The following KCNIP4 variants were observed in gnomAD, a reference collection of about 807,000 sequenced individuals.
KCNIP4 encodes the protein Kv channel-interacting protein 4.
KCNIP4 carries 12 observed loss-of-function variants against 34.0 expected under a neutral mutation model. The observed-to-expected ratio is 0.35, with a 90% confidence interval of 0.23 to 0.57. The LOEUF is 0.57. Ranked by LOEUF, KCNIP4 falls within the 20% of genes least tolerant of loss-of-function variation. The pLI is 0.83. For synonymous variants in KCNIP4, 124 were observed against 102.2 expected (o/e 1.21, Z -1.29); for missense variants, 238 against 311.7 (o/e 0.76, Z 1.78).
At chr4:21,760,950 G>T (rs571569714) in intron 1 of KCNIP4, among the ~76,000 whole-genome samples, 1 of 152,166 alleles carries the variant, frequency 6.6e-6, no homozygotes, top group East Asian at 1.9e-4. Flanking sequence ...ACTGTTCTAG[G>T]TGCTTATGAG....
At chr4:21,836,189 T>C (rs1024366352) in intron 1 of KCNIP4, among the ~76,000 whole-genome samples, 2 of 152,146 alleles carry the variant, frequency 1.3e-5, no homozygotes, top group Non-Finnish European at 2.9e-5. Context: ...AAGTGGTAGA[T>C]CATTGGGTCT....
chr4:21,252,272 C>T (rs1029006912), intron 1 of KCNIP4, among the ~76,000 whole-genome samples: 2 of 151,624 alleles, frequency 1.3e-5, no homozygotes, highest in African/African-American at 2.4e-5. Flanking sequence ...GGATTACAGG[C>T]GGGCACCTCC....
intron 2 of KCNIP4, among the ~76,000 whole-genome samples, chr4:20,876,082 A>G (rs1327224465): frequency 6.6e-6 from 1 of 152,282 alleles, no homozygotes; most frequent in East Asian, 1.9e-4. Flanking sequence ...ATGAAGCTCT[A>G]ATTTAGTGAA....
intron 1 of KCNIP4, among the ~76,000 whole-genome samples, chr4:21,016,356 T>C (rs1056112736): frequency 2.0e-5 from 3 of 151,450 alleles, no homozygotes; most frequent in African/African-American, 7.3e-5. Flanking sequence ...TGGAATGCAG[T>C]GGCCCAATCT....
At chr4:20,904,636 A>T (rs1168879963) in intron 1 of KCNIP4, among the ~76,000 whole-genome samples, 2 of 152,184 alleles carry the variant, frequency 1.3e-5, no homozygotes, top group Non-Finnish European at 2.9e-5. Flanking sequence ...CCTTGATTGG[A>T]GAGTCCTTAA....
At chr4:21,638,337 C>T (rs1746372494) in intron 1 of KCNIP4, among the ~76,000 whole-genome samples, 2 of 152,182 alleles carry the variant, frequency 1.3e-5, no homozygotes, top group South Asian at 4.1e-4. Context: ...TTTCAGATGG[C>T]ACTCAATGCA....
chr4:20,925,834 A>G (rs1181575678), intron 1 of KCNIP4, among the ~76,000 whole-genome samples: 1 of 152,228 alleles, frequency 6.6e-6, no homozygotes, highest in Non-Finnish European at 1.5e-5. Flanking sequence ...GGCGAAGTTC[A>G]GAGGAAACAG....
intron 1 of KCNIP4, among the ~76,000 whole-genome samples, chr4:21,224,578 GTTTTTTTTTTTTTTT>G (rs765906146): frequency 2.2e-5 from 1 of 44,882 alleles, no homozygotes; most frequent in Non-Finnish European, 4.2e-5. Context: ...TTTTTCAACT[GTTTTTTTTTTTTTTT>G]TTTTTTTTTT....
intron 1 of KCNIP4, among the ~76,000 whole-genome samples, chr4:21,054,212 C>G (rs1743194471): frequency 6.6e-6 from 1 of 151,990 alleles, no homozygotes; most frequent in Non-Finnish European, 1.5e-5. Context: ...TCAAGATTTA[C>G]TATAATTAAG....
chr4:21,686,816 T>A (rs1750837156), intron 1 of KCNIP4, among the ~76,000 whole-genome samples: 1 of 152,062 alleles, frequency 6.6e-6, no homozygotes. Flanking sequence ...ATCCCATTAC[T>A]GGGTATATAC....
chr4:21,780,903 C>T (rs933729754), intron 1 of KCNIP4, among the ~76,000 whole-genome samples: 1 of 152,148 alleles, frequency 6.6e-6, no homozygotes, highest in Admixed American at 6.5e-5. Flanking sequence ...CCAGTCCATC[C>T]TTTGGCTTGT....
intron 1 of KCNIP4, among the ~76,000 whole-genome samples, chr4:21,454,843 A>G (rs1472694946): frequency 6.6e-6 from 1 of 152,118 alleles, no homozygotes; most frequent in Non-Finnish European, 1.5e-5. Context: ...GAATAGTTTA[A>G]GCTTTAAAAT....
intron 3 of KCNIP4, among the ~76,000 whole-genome samples, chr4:20,791,729 T>C (rs945485433): frequency 6.6e-6 from 1 of 152,240 alleles, no homozygotes; most frequent in Admixed American, 6.5e-5. Flanking sequence ...ACATAATATC[T>C]AGATATTTGG....
At chr4:21,345,166 T>C (rs1420783865) in intron 1 of KCNIP4, among the ~76,000 whole-genome samples, 1 of 152,108 alleles carries the variant, frequency 6.6e-6, no homozygotes, top group Non-Finnish European at 1.5e-5. Context: ...TCATACTCTC[T>C]CCTTCTTGGA....
intron 1 of KCNIP4, among the ~76,000 whole-genome samples, chr4:21,896,766 A>C (rs1727411500): frequency 6.6e-6 from 1 of 151,996 alleles, no homozygotes; most frequent in Non-Finnish European, 1.5e-5. Context: ...TAAAAATACA[A>C]AAATTAGCTG....
At chr4:21,689,598 A>G (rs1751092531) in intron 1 of KCNIP4, among the ~76,000 whole-genome samples, 1 of 152,210 alleles carries the variant, frequency 6.6e-6, no homozygotes, top group Non-Finnish European at 1.5e-5. Flanking sequence ...TTTTTCAGTT[A>G]TGATGTAATA....
intron 1 of KCNIP4, among the ~76,000 whole-genome samples, chr4:21,539,140 T>C (rs1737470203): frequency 6.6e-6 from 1 of 152,196 alleles, no homozygotes; most frequent in Non-Finnish European, 1.5e-5. Context: ...CATGCAGAAC[T>C]GTGAGTCAAT....
intron 1 of KCNIP4, among the ~76,000 whole-genome samples, chr4:21,109,760 T>C (rs958122071): frequency 1.2e-4 from 19 of 152,166 alleles, no homozygotes; most frequent in African/African-American, 4.6e-4. Context: ...CTCCCGTATA[T>C]GGAGCATTTT....
chr4:21,606,696 C>T (rs1297523910), intron 1 of KCNIP4, among the ~76,000 whole-genome samples: 1 of 152,098 alleles, frequency 6.6e-6, no homozygotes, highest in African/African-American at 2.4e-5. Context: ...CGGGTTCAAT[C>T]GATTCTCCTG....
Sources: gnomAD v4.1 joint callset for allele counts (sites outside exome capture counted in the v4.1 genomes callset) on GRCh38, gnomAD v4.1.1 for gene constraint, MANE v1.5 for transcripts, NCBI Gene and HGNC (gene_info 2026-07-23, HGNC 2026-07-21) for gene names.